Variants in PXYLP1 observed in about 807,000 individuals in gnomAD.
The protein encoded by PXYLP1 is 2-phosphoxylose phosphatase 1.
A neutral mutation model predicts 37.9 loss-of-function variants in PXYLP1; 17 were observed. That is an observed-to-expected ratio of 0.45 (90% CI 0.31 to 0.67). The LOEUF (loss-of-function observed/expected upper bound fraction) is 0.67, where lower values mean the gene tolerates loss of function less well. PXYLP1 is among the 30% of genes least tolerant of loss of function. PXYLP1 has a pLI of 0.07. For synonymous variants in PXYLP1, 221 were observed against 232.2 expected, an observed-to-expected ratio of 0.95 and a Z score of 0.44; for missense variants, 511 against 612.0, an observed-to-expected ratio of 0.84 and a Z score of 1.74.
intron 1 of PXYLP1, among the ~76,000 whole-genome samples, chr3:141,253,089 C>T (rs72994972): frequency 0.024 from 3,667 of 151,640 alleles, 130 homozygotes; most frequent in African/African-American, 0.076. Flanking sequence ...GGTGTGGATC[C>T]TGCAATCAGA....
intron 1 of PXYLP1, among the ~76,000 whole-genome samples, chr3:141,257,058 G>A (rs73869545): frequency 0.012 from 1,861 of 152,294 alleles, 48 homozygotes; most frequent in African/African-American, 0.042. Context: ...AAAGCACTCC[G>A]CATATTAAAG....
At chr3:141,237,970 A>G (rs552819944) in intron 1 of PXYLP1, among the ~76,000 whole-genome samples, 14 of 152,280 alleles carry the variant, frequency 9.2e-5, no homozygotes, top group Non-Finnish European at 1.8e-4. Context: ...ATGATAAGAG[A>G]TCCTAGATCT....
At chr3:141,268,360 T>C (rs1941583018) in intron 2 of PXYLP1, among the ~76,000 whole-genome samples, 2 of 152,204 alleles carry the variant, frequency 1.3e-5, no homozygotes, top group East Asian at 3.9e-4. Flanking sequence ...ACTGAAGAGA[T>C]GAACAGAATA....
At position 141,293,128 on chromosome 3, in the gene PXYLP1, G is replaced by A. The variant is rs1942269227; in HGVS notation, c.1366G>A (p.Val456Met). The A allele has an allele frequency of 6.2e-7, 1 of 1,614,194 alleles. No individual in the cohort carries two copies. Among genetic ancestry groups the A allele is most frequent in the African/African-American group, 1.3e-5 (1 of 75,062 alleles). Residue 456 changes from valine to methionine, a missense_variant, in exon 6 of 6, where the codon GTG (valine) becomes ATG (methionine). Val to Met is a conservative substitution (Grantham distance 21). Coordinates refer to ENST00000286353, the MANE Select transcript of PXYLP1 (RefSeq NM_001037172.3). ...CCCGCTTGAAAACTTGGTCCGCTTT[G>A]TGAAAAGGGACATGTTTGTAGCCCT... ...MCPLENLVRF[V>M]KRDMFVALGG...
chr3:141,246,741 T>C (rs1877219), intron 1 of PXYLP1, among the ~76,000 whole-genome samples: 128,040 of 152,294 alleles, frequency 0.84, 54,398 homozygotes, highest in African/African-American at 0.96. Flanking sequence ...TTCCCAGCCT[T>C]GTGGAGCTCA....
At chr3:141,274,615 G>T in intron 2 of PXYLP1, 1 of 801,282 alleles carries the variant, frequency 1.2e-6, no homozygotes, top group Non-Finnish European at 2.1e-6. Flanking sequence ...GTCTGCCCCA[G>T]TTCAGCAGGT....
intron 2 of PXYLP1, among the ~76,000 whole-genome samples, chr3:141,266,656 GGAGAGAGAGAGATGGGGGGA>G (rs1208954036): frequency 2.8e-5 from 4 of 144,878 alleles, no homozygotes; most frequent in African/African-American, 7.9e-5. Flanking sequence ...AGGGAGAGAG[GGAGAGAGAGAGATGGGGGGA>G]GAGAGGGAGA....
At chr3:141,271,661 G>A (rs1214020327) in intron 2 of PXYLP1, among the ~76,000 whole-genome samples, 2 of 152,204 alleles carry the variant, frequency 1.3e-5, no homozygotes, top group Non-Finnish European at 2.9e-5. Context: ...ATCAGAAGAA[G>A]GCTGACAGCC....
At chr3:141,256,631 A>G (rs1048324547) in intron 1 of PXYLP1, among the ~76,000 whole-genome samples, 2 of 152,244 alleles carry the variant, frequency 1.3e-5, no homozygotes, top group Non-Finnish European at 2.9e-5. Context: ...TTTGGATTCT[A>G]TCATCATTTA....
At chr3:141,255,594 C>T (rs1941246188) in intron 1 of PXYLP1, among the ~76,000 whole-genome samples, 1 of 152,226 alleles carries the variant, frequency 6.6e-6, no homozygotes, top group Admixed American at 6.5e-5. Flanking sequence ...GGGGGTCCCG[C>T]TCTGGGCTCA....
chr3:141,265,117 GA>G (rs1310444464), intron 2 of PXYLP1, among the ~76,000 whole-genome samples: 1 of 152,122 alleles, frequency 6.6e-6, no homozygotes, highest in Non-Finnish European at 1.5e-5. Context: ...GAGTGAGAGA[GA>G]GCAGGCCCAG....
intron 5 of PXYLP1, among the ~76,000 whole-genome samples, chr3:141,290,105 C>T (rs926468522): frequency 7.9e-5 from 12 of 152,172 alleles, no homozygotes; most frequent in African/African-American, 1.4e-4. Context: ...GGTGCACTTA[C>T]GGCACCCTAC....
chr3:141,260,001 C>T, intron 1 of PXYLP1, 122 bp from the exon 2 acceptor site: 1 of 677,182 alleles, frequency 1.5e-6, no homozygotes, highest in East Asian at 2.8e-5. Context: ...GAGATGCATG[C>T]TTCCCTGCCG....
At chr3:141,260,308 CAAGG>C in intron 2 of PXYLP1, 54 bp downstream of exon 2, 1 of 1,580,022 alleles carries the variant, frequency 6.3e-7, no homozygotes. Context: ...TCATAGGAAA[CAAGG>C]AGGCCCCAAA....
At chr3:141,250,839 G>C (rs1941124034) in intron 1 of PXYLP1, among the ~76,000 whole-genome samples, 1 of 152,224 alleles carries the variant, frequency 6.6e-6, no homozygotes. Context: ...TGTCATGTGA[G>C]AATGTGGATG....
At chr3:141,290,132 A>G (rs528106487) in intron 5 of PXYLP1, among the ~76,000 whole-genome samples, 1 of 152,328 alleles carries the variant, frequency 6.6e-6, no homozygotes, top group South Asian at 2.1e-4. Flanking sequence ...TATGTAAGGT[A>G]AGATTGCTCA....
chr3:141,242,686 T>C (rs112770964), intron 1 of PXYLP1, among the ~76,000 whole-genome samples: 11 of 152,364 alleles, frequency 7.2e-5, no homozygotes, highest in African/African-American at 2.6e-4. Context: ...AGACAGAGAC[T>C]GAATAGTTTG....
chr3:141,266,187 C>G (rs1252333968), intron 2 of PXYLP1, among the ~76,000 whole-genome samples: 4 of 152,200 alleles, frequency 2.6e-5, no homozygotes, highest in Non-Finnish European at 5.9e-5. Context: ...TTTGTTTGGC[C>G]CAACCCCTGT....
chr3:141,255,350 A>G (rs149235776), intron 1 of PXYLP1, among the ~76,000 whole-genome samples: 153 of 152,348 alleles, frequency 1.0e-3, no homozygotes, highest in African/African-American at 3.6e-3. Flanking sequence ...CAACTATTTT[A>G]TGTTCAGCCT....
Sources: allele counts gnomAD v4.1 joint callset (sites outside exome capture counted in the v4.1 genomes callset), GRCh38; gene constraint gnomAD v4.1.1; transcripts MANE v1.5; gene names NCBI Gene and HGNC (gene_info 2026-07-23, HGNC 2026-07-21).